TENT5D: variants seen among roughly 807,000 people sequenced by gnomAD.
TENT5D encodes terminal nucleotidyltransferase 5D.
For synonymous variants in TENT5D, 103 were observed against 100.6 expected, an observed-to-expected ratio of 1.02 and a Z score of -0.15; for missense variants, 191 against 287.0, an observed-to-expected ratio of 0.67 and a Z score of 2.42.
intron 3 of TENT5D, among the ~76,000 whole-genome samples, chrX:80,408,377 A>G (rs935887349): frequency 4.5e-5 from 5 of 111,537 alleles, no homozygotes; most frequent in African/African-American, 1.3e-4. Flanking sequence ...AGGAAAAAAG[A>G]AGAATCAAAT....
At chrX:80,338,668 T>C (rs989723817) in intron 2 of TENT5D, among the ~76,000 whole-genome samples, 1 of 112,593 alleles carries the variant, frequency 8.9e-6, no homozygotes, top group Non-Finnish European at 1.9e-5. Flanking sequence ...CATTTTTTGT[T>C]GTCTTCTAAC....
chrX:80,338,191 A>G (rs971263217), intron 2 of TENT5D, among the ~76,000 whole-genome samples: 1 of 111,784 alleles, frequency 8.9e-6, no homozygotes, highest in Non-Finnish European at 1.9e-5. Context: ...GTTTCACCTA[A>G]ATAGGTTGCT....
At chrX:80,401,053 A>G (rs745519018) in intron 3 of TENT5D, among the ~76,000 whole-genome samples, 2 of 112,015 alleles carry the variant, frequency 1.8e-5, no homozygotes, top group Non-Finnish European at 3.8e-5. Flanking sequence ...CACGAATGTA[A>G]GCTATCTTTC....
At chrX:80,363,602 C>T (rs542881099) in intron 3 of TENT5D, among the ~76,000 whole-genome samples, 3 of 112,060 alleles carry the variant, frequency 2.7e-5, no homozygotes, top group African/African-American at 6.5e-5. Context: ...CCGTAAAGTT[C>T]GAAACACTGT....
At chrX:80,425,872 C>T (rs1457112191) in intron 1 of TENT5D, among the ~76,000 whole-genome samples, 2 of 110,012 alleles carry the variant, frequency 1.8e-5, no homozygotes, top group African/African-American at 6.6e-5. Context: ...ACTAAAAATA[C>T]AAAAATTAGC....
chrX:80,374,982 T>C (rs1008297266), intron 3 of TENT5D, among the ~76,000 whole-genome samples: 3 of 111,507 alleles, frequency 2.7e-5, no homozygotes, highest in African/African-American at 9.8e-5. Flanking sequence ...ATGATCAACC[T>C]GTATTTTCAA....
At chrX:80,385,670 C>T (rs368389452) in intron 3 of TENT5D, among the ~76,000 whole-genome samples, 3 of 111,349 alleles carry the variant, frequency 2.7e-5, no homozygotes, top group Non-Finnish European at 5.7e-5. Context: ...TGCAATCTAC[C>T]CATCTGACAA....
intron 3 of TENT5D, among the ~76,000 whole-genome samples, chrX:80,393,080 T>A (rs1378021763): frequency 9.1e-6 from 1 of 109,927 alleles, no homozygotes; most frequent in Admixed American, 9.8e-5. Flanking sequence ...AAAATTTTTT[T>A]ATATTCTTTG....
At chrX:80,409,256 A>G (rs1398167463) in intron 3 of TENT5D, among the ~76,000 whole-genome samples, 1 of 110,931 alleles carries the variant, frequency 9.0e-6, no homozygotes, top group African/African-American at 3.3e-5. Flanking sequence ...CAGGGCAATT[A>G]GGCAGGAGAA....
intron 2 of TENT5D, among the ~76,000 whole-genome samples, chrX:80,339,223 T>C (rs1170667414): frequency 1.8e-5 from 2 of 111,158 alleles, no homozygotes; most frequent in Non-Finnish European, 3.8e-5. Context: ...GAATCACAAA[T>C]AAGACCACTT....
intron 3 of TENT5D, among the ~76,000 whole-genome samples, chrX:80,357,236 C>A (rs1353529801): frequency 1.8e-5 from 2 of 111,556 alleles, no homozygotes; most frequent in African/African-American, 6.5e-5. Flanking sequence ...GTGCATGTGT[C>A]TTTAGAGCAG....
chrX:80,434,845 C>T (rs1244135154), intron 1 of TENT5D, among the ~76,000 whole-genome samples: 11 of 104,271 alleles, frequency 1.1e-4, no homozygotes, highest in African/African-American at 3.6e-4. Flanking sequence ...TGCCATGACA[C>T]GATCTCGGCT....
intron 3 of TENT5D, among the ~76,000 whole-genome samples, chrX:80,370,454 T>A (rs2147526061): frequency 8.9e-6 from 1 of 112,313 alleles, no homozygotes; most frequent in Non-Finnish European, 1.9e-5. Flanking sequence ...ATACAATTTA[T>A]ATTTTTCCCA....
intron 3 of TENT5D, among the ~76,000 whole-genome samples, chrX:80,409,749 T>C (rs1481652448): frequency 9.3e-6 from 1 of 107,340 alleles, no homozygotes; most frequent in Non-Finnish European, 1.9e-5. Context: ...AAAACTACTT[T>C]AAAGTTCATA....
intron 1 of TENT5D, among the ~76,000 whole-genome samples, chrX:80,427,803 A>G (rs1223334147): frequency 8.9e-6 from 1 of 111,932 alleles, no homozygotes; most frequent in Admixed American, 9.5e-5. Context: ...GAAAACAGAT[A>G]TTTTTCCCAA....
intron 3 of TENT5D, among the ~76,000 whole-genome samples, chrX:80,376,313 G>A (rs1353131580): frequency 2.7e-5 from 3 of 110,814 alleles, no homozygotes; most frequent in East Asian, 2.8e-4. Flanking sequence ...ATCATAATTC[G>A]TTAATAGTAT....
At chrX:80,397,632 T>C (rs1602207238) in intron 3 of TENT5D, among the ~76,000 whole-genome samples, 1 of 83,463 alleles carries the variant, frequency 1.2e-5, no homozygotes, top group South Asian at 7.2e-4. Context: ...CACTCCAGCC[T>C]GGGCACCATG....
intron 2 of TENT5D, chrX:80,335,723 G>GTTAAAA (rs1342065033): frequency 9.0e-6 from 1 of 111,315 alleles, no homozygotes. Flanking sequence ...AAAGGTATAG[G>GTTAAAA]GCTTTTAACG....
intron 3 of TENT5D, among the ~76,000 whole-genome samples, chrX:80,374,411 T>C (rs1028004727): frequency 1.2e-4 from 13 of 111,345 alleles, no homozygotes; most frequent in Admixed American, 2.9e-4. Context: ...TTTTGAGGAA[T>C]TGCCACACTG....
Sources: gnomAD v4.1 joint callset for allele counts (sites outside exome capture counted in the v4.1 genomes callset) on GRCh38, gnomAD v4.1.1 for gene constraint, MANE v1.5 for transcripts, NCBI Gene and HGNC (gene_info 2026-07-23, HGNC 2026-07-21) for gene names.